Variants in CAB39 observed in about 807,000 individuals in gnomAD.
The protein encoded by CAB39 is calcium-binding protein 39.
Under a neutral mutation model 40.0 loss-of-function variants are expected in CAB39, and 8 were observed. That is an observed-to-expected ratio of 0.20 (90% CI 0.12 to 0.36). CAB39 has a LOEUF of 0.36. CAB39 is among the 10% of genes least tolerant of loss of function. The pLI is 1.00. For synonymous variants in CAB39, 156 were observed against 141.6 expected (o/e 1.10, Z -0.72); for missense variants, 270 against 401.1 (o/e 0.67, Z 2.79).
chr2:230,767,290 A>G (rs1386964531), intron 2 of CAB39, among the ~76,000 whole-genome samples: 3 of 152,038 alleles, frequency 2.0e-5, no homozygotes, highest in Non-Finnish European at 2.9e-5. Flanking sequence ...ACCCATGACT[A>G]TTTTCTCACT....
rs772868230 is a variant in CAB39 at position 230,819,431 on chromosome 2, G to GT, written c.*727_*728insT. On this transcript the variant is annotated 3_prime_UTR_variant, in exon 9 of 9. Transcript: ENST00000258418. Reference sequence around the variant, plus strand: ...ACTTTAAAACAGTAGAGCTAGCAATGACACCTTGCATTTCATTTCAACACT... The same window carrying GT: ...ACTTTAAAACAGTAGAGCTAGCAATGTACACCTTGCATTTCATTTCAACACT... 1.3e-5 allele frequency: 2 copies of GT among 152,616 alleles called. No individual in the cohort carries two copies. Among genetic ancestry groups the GT allele is most frequent in the Non-Finnish European group, 2.9e-5 (2 of 68,024 alleles). 9.5% of individuals were successfully genotyped at this position (152,616 alleles called of 1,614,324 possible).
intron 2 of CAB39, among the ~76,000 whole-genome samples, chr2:230,777,353 GTTTT>G (rs577448765): frequency 7.1e-5 from 9 of 127,290 alleles, no homozygotes; most frequent in African/African-American, 2.9e-4. Context: ...ACCTGTTGGT[GTTTT>G]TTTTGTTTTT....
chr2:230,795,982 A>G (rs1283497052), intron 4 of CAB39, among the ~76,000 whole-genome samples: 7 of 152,112 alleles, frequency 4.6e-5, no homozygotes, highest in Non-Finnish European at 1.0e-4. Flanking sequence ...TCCAGTCATT[A>G]CTTTCTTGTG....
chr2:230,758,741 G>C (rs1057010439), intron 1 of CAB39, among the ~76,000 whole-genome samples: 1 of 152,118 alleles, frequency 6.6e-6, no homozygotes, highest in African/African-American at 2.4e-5. Context: ...GTGTGTGTGG[G>C]GAGCACCTTG....
At chr2:230,813,997 T>TTTTTTTTTTTTTTTA in intron 6 of CAB39, 52 bp from the exon 7 acceptor site, 1 of 445,514 alleles carries the variant, frequency 2.2e-6, no homozygotes, top group Non-Finnish European at 3.9e-6. Flanking sequence ...TTTTTTTTTT[T>TTTTTTTTTTTTTTTA]TTTTTTTTTT....
chr2:230,770,379 A>G (rs1695461237), intron 2 of CAB39, among the ~76,000 whole-genome samples: 1 of 152,166 alleles, frequency 6.6e-6, no homozygotes, highest in African/African-American at 2.4e-5. Flanking sequence ...GAAATGGACA[A>G]ACTCCAAAGA....
rs540394752 is a variant in CAB39, at chr2:230,735,726, G to C, written c.-44+22496G>C. ...GACCAGGTCTCACTGTGGTGCCCAG[G>C]CTGGTCTTGAACTCCTGTGCTTAAC... On this transcript the variant is annotated intron_variant, in intron 1 of 8. Coordinates refer to ENST00000258418, the MANE Select transcript of CAB39 (RefSeq NM_016289.4). 8.6e-5 allele frequency among the ~76,000 whole-genome samples: 13 copies of C among 151,878 alleles called. No individual in the cohort carries two copies. In the South Asian group the frequency reaches 2.7e-3, roughly 32 times the overall value.
intron 5 of CAB39, among the ~76,000 whole-genome samples, chr2:230,800,953 C>T (rs1329552564): frequency 6.6e-6 from 1 of 151,962 alleles, no homozygotes; most frequent in South Asian, 2.1e-4. Flanking sequence ...CCTATCAGGT[C>T]ATGGTGGCCA....
chr2:230,727,402 T>TA (rs1559589592), intron 1 of CAB39, among the ~76,000 whole-genome samples: 1 of 105,420 alleles, frequency 9.5e-6, no homozygotes, highest in Non-Finnish European at 1.8e-5. Context: ...GTGTGTGTAT[T>TA]TTTTTTTCTT....
At chr2:230,748,823 AAAAAAAAAATATATATATAT>A (rs1695023507) in intron 1 of CAB39, among the ~76,000 whole-genome samples, 1 of 59,216 alleles carries the variant, frequency 1.7e-5, no homozygotes, top group African/African-American at 6.5e-5. Flanking sequence ...GAAAAAAAAA[AAAAAAAAAATATATATATAT>A]ATATATATAT....
chr2:230,743,310 T>A (rs912701046), intron 1 of CAB39, among the ~76,000 whole-genome samples: 5 of 152,026 alleles, frequency 3.3e-5, no homozygotes, highest in Non-Finnish European at 5.9e-5. Context: ...AGAGATAGAG[T>A]AACTCATTAA....
chr2:230,803,282 A>C (rs940138741), intron 5 of CAB39, among the ~76,000 whole-genome samples: 1 of 152,236 alleles, frequency 6.6e-6, no homozygotes, highest in Non-Finnish European at 1.5e-5. Context: ...ATTTATGACA[A>C]ACCCACAGCC....
At chr2:230,741,999 A>C (rs975821709) in intron 1 of CAB39, among the ~76,000 whole-genome samples, 1 of 152,218 alleles carries the variant, frequency 6.6e-6, no homozygotes, top group African/African-American at 2.4e-5. Flanking sequence ...TGCTACTAGA[A>C]TGGCTTATTT....
intron 1 of CAB39, among the ~76,000 whole-genome samples, chr2:230,717,704 A>G (rs1209681276): frequency 6.6e-6 from 1 of 152,222 alleles, no homozygotes; most frequent in Non-Finnish European, 1.5e-5. Context: ...AAATCAGGTT[A>G]ACAGCTAGTT....
chr2:230,778,339 G>A (rs1255795926), intron 2 of CAB39, among the ~76,000 whole-genome samples: 1 of 152,140 alleles, frequency 6.6e-6, no homozygotes, highest in African/African-American at 2.4e-5. Context: ...GAGGAGGAGT[G>A]TTGGTAAGGG....
chr2:230,742,284 C>T (rs997691327), intron 1 of CAB39, among the ~76,000 whole-genome samples: 2 of 151,994 alleles, frequency 1.3e-5, no homozygotes, highest in East Asian at 3.9e-4. Context: ...ACGCCATTCT[C>T]CTGCCACAGC....
chr2:230,725,499 C>A, intron 1 of CAB39: 2 of 1,078,152 alleles, frequency 1.9e-6, no homozygotes, highest in South Asian at 2.7e-5. Flanking sequence ...CTTTTAACAG[C>A]CCTTTTTAAT....
chr2:230,754,363 G>T (rs989288415), intron 1 of CAB39, among the ~76,000 whole-genome samples: 146 of 97,718 alleles, frequency 1.5e-3, no homozygotes, highest in African/African-American at 3.3e-3. Flanking sequence ...CTCTTCTTCC[G>T]TCCCCTTCTG....
At chr2:230,733,942 T>A (rs954758660) in intron 1 of CAB39, among the ~76,000 whole-genome samples, 5 of 152,244 alleles carry the variant, frequency 3.3e-5, no homozygotes, top group Non-Finnish European at 1.5e-5. Context: ...ACACTTTAAT[T>A]TTTTTCTTTG....
Sources: allele counts gnomAD v4.1 joint callset (sites outside exome capture counted in the v4.1 genomes callset), GRCh38; gene constraint gnomAD v4.1.1; transcripts MANE v1.5; gene names NCBI Gene and HGNC (gene_info 2026-07-23, HGNC 2026-07-21).